The following BMPR1A variants were observed in gnomAD, a reference collection of about 807,000 sequenced individuals.
BMPR1A encodes the protein bone morphogenetic protein receptor type 1A, also known as bone morphogenetic protein receptor type-1A.
A neutral mutation model predicts 66.0 loss-of-function variants in BMPR1A; 7 were observed. That is an observed-to-expected ratio of 0.11 (90% CI 0.06 to 0.20). The LOEUF (loss-of-function observed/expected upper bound fraction) is 0.20. Among genes scored for constraint, BMPR1A ranks in the 10% least tolerant of loss-of-function variants. The probability of loss-of-function intolerance (pLI) is 1.00; values close to 1 mark genes in which losing one functional copy is unlikely to be tolerated. For synonymous variants in BMPR1A, 200 were observed against 229.7 expected, an observed-to-expected ratio of 0.87 and a Z score of 1.17; for missense variants, 408 against 669.1, an observed-to-expected ratio of 0.61 and a Z score of 4.31.
In BMPR1A at chr10:86,840,109, C is replaced by A. The variant is rs546365366; in HGVS notation, c.-153+1130C>A. 6.6e-5 allele frequency among the ~76,000 whole-genome samples: 10 copies of A among 152,202 alleles called. No homozygotes were observed. The East Asian group carries it at 1.9e-3, about 29-fold the overall frequency. On this transcript the variant is annotated intron_variant, in intron 2 of 12. Coordinates refer to ENST00000372037, the MANE Select transcript of BMPR1A (RefSeq NM_004329.3). ...AAAATCAGGCTTACTGTTTTAAAAT[C>A]CATTTAGAGACTAATGATCAGGTAA...
intron 1 of BMPR1A, among the ~76,000 whole-genome samples, chr10:86,780,030 C>T (rs192956809): frequency 9.9e-5 from 15 of 152,242 alleles, no homozygotes; most frequent in East Asian, 3.9e-4. Context: ...CTTGGCCTCC[C>T]GAACGCTGGG....
At chr10:86,803,936 T>G (rs1334649599) in intron 1 of BMPR1A, among the ~76,000 whole-genome samples, 2 of 152,204 alleles carry the variant, frequency 1.3e-5, no homozygotes, top group African/African-American at 2.4e-5. Context: ...TTCACAAGTC[T>G]TCTTTTTTGA....
intron 1 of BMPR1A, among the ~76,000 whole-genome samples, chr10:86,782,099 G>T (rs1354771903): frequency 6.6e-6 from 1 of 151,880 alleles, no homozygotes; most frequent in African/African-American, 2.4e-5. Flanking sequence ...CTGACCTCAG[G>T]TGATCCTCCC....
intron 9 of BMPR1A, among the ~76,000 whole-genome samples, chr10:86,917,646 CT>C (rs1238133570): frequency 1.3e-5 from 2 of 152,158 alleles, no homozygotes; most frequent in Non-Finnish European, 2.9e-5. Flanking sequence ...ACATATGTGC[CT>C]TTTCCCTTTC....
At chr10:86,894,628 A>G (rs1190035522) in intron 5 of BMPR1A, among the ~76,000 whole-genome samples, 5 of 152,348 alleles carry the variant, frequency 3.3e-5, no homozygotes, top group East Asian at 3.9e-4. Context: ...AAACTTGACA[A>G]GCTGTTCAAA....
chr10:86,833,571 C>G (rs867672267), intron 1 of BMPR1A, among the ~76,000 whole-genome samples: 2 of 152,092 alleles, frequency 1.3e-5, no homozygotes, highest in African/African-American at 2.4e-5. Context: ...TTTTGGCTAA[C>G]GGTGCTGCCA....
intron 1 of BMPR1A, among the ~76,000 whole-genome samples, chr10:86,767,835 A>C (rs1000626198): frequency 6.6e-6 from 1 of 152,158 alleles, no homozygotes; most frequent in Non-Finnish European, 1.5e-5. Context: ...TTTTGCAAGC[A>C]GGGAAGATGG....
At chr10:86,768,918 C>T (rs1478061234) in intron 1 of BMPR1A, among the ~76,000 whole-genome samples, 2 of 135,848 alleles carry the variant, frequency 1.5e-5, no homozygotes, top group Admixed American at 6.7e-5. Context: ...CAGTTCAGTG[C>T]TTAACACTGT....
chr10:86,844,816 G>A (rs1305094323), intron 2 of BMPR1A, among the ~76,000 whole-genome samples: 1 of 152,050 alleles, frequency 6.6e-6, no homozygotes, highest in Non-Finnish European at 1.5e-5. Context: ...CACTCTTGTT[G>A]CCCAGGCTGG....
chr10:86,885,520 T>C (rs998923293), intron 3 of BMPR1A, among the ~76,000 whole-genome samples: 1 of 152,232 alleles, frequency 6.6e-6, no homozygotes, highest in African/African-American at 2.4e-5. Context: ...TTTTTAATTT[T>C]ACTTCATTTT....
At chr10:86,826,332 C>T (rs1276413487) in intron 1 of BMPR1A, among the ~76,000 whole-genome samples, 2 of 151,330 alleles carry the variant, frequency 1.3e-5, no homozygotes, top group African/African-American at 4.9e-5. Flanking sequence ...ATTTTTGATC[C>T]AGAAACCAAG....
At chr10:86,822,075 A>T (rs1243593636) in intron 1 of BMPR1A, among the ~76,000 whole-genome samples, 1 of 151,832 alleles carries the variant, frequency 6.6e-6, no homozygotes, top group Non-Finnish European at 1.5e-5. Context: ...CGATCCACCC[A>T]CCTCGGCCTC....
chr10:86,878,472 A>C (rs1029724200), intron 3 of BMPR1A, among the ~76,000 whole-genome samples: 3 of 152,340 alleles, frequency 2.0e-5, no homozygotes, highest in South Asian at 2.1e-4. Flanking sequence ...GGATTTTGTC[A>C]CAAATTTCAG....
At chr10:86,818,512 T>G (rs2132986800) in intron 1 of BMPR1A, among the ~76,000 whole-genome samples, 1 of 152,324 alleles carries the variant, frequency 6.6e-6, no homozygotes, top group Non-Finnish European at 1.5e-5. Context: ...CTCAGGATTT[T>G]TTGCTTTAAA....
Position 86,766,873 on chromosome 10 carries a change from G to T in BMPR1A, c.-268+9954G>T, listed in dbSNP as rs566271728. On this transcript the variant is annotated intron_variant, in intron 1 of 12. Transcript: ENST00000372037. ...CGAGTCTTGCTCTGCTGCCAGGCTG[G>T]AGTGCAGTGGTGCCATCCTGGCTCA... is the stretch of plus-strand genomic sequence containing the variant. 5.9e-5 allele frequency among the ~76,000 whole-genome samples: 9 copies of T among 151,274 alleles called. No individual in the cohort carries two copies. In the South Asian group the frequency reaches 1.9e-3, roughly 32 times the overall value.
Position 86,890,183 on chromosome 10 carries a change from C to T in BMPR1A, c.189C>T (p.Cys63=), listed in dbSNP as rs1413243663. 1 of 1,614,030 alleles carries T rather than the reference C, an allele frequency of 6.2e-7. No homozygotes were observed. The highest frequency in any genetic ancestry group is 1.3e-5 in the African/African-American group (1 of 74,936). Residue 63 remains cysteine, a synonymous_variant, in exon 4 of 13, where the codon TGC becomes TGT. Transcript: ENST00000372037. ...EDTLPFLKCY[C]SGHCPDDAIN... ...CCTTGCCTTTTTTAAAGTGCTATTGCTCAGGGCACTGTCCAGATGATGCTA... is the reference window on the plus strand; with the variant it reads ...CCTTGCCTTTTTTAAAGTGCTATTGTTCAGGGCACTGTCCAGATGATGCTA...
At chr10:86,806,087 CTT>C (rs1390021110) in intron 1 of BMPR1A, among the ~76,000 whole-genome samples, 2 of 152,080 alleles carry the variant, frequency 1.3e-5, no homozygotes, top group African/African-American at 2.4e-5. Context: ...ATATTCCTCA[CTT>C]TGGGCTTGGC....
intron 2 of BMPR1A, chr10:86,856,371 C>G: frequency 2.9e-6 from 1 of 346,450 alleles, no homozygotes; most frequent in South Asian, 2.4e-5. Flanking sequence ...GGGTCTGGAC[C>G]AGCTCCAGAG....
intron 7 of BMPR1A, among the ~76,000 whole-genome samples, chr10:86,900,595 G>T (rs941198310): frequency 4.6e-5 from 7 of 152,076 alleles, no homozygotes; most frequent in Non-Finnish European, 7.4e-5. Flanking sequence ...ATACATTAAT[G>T]AAACAAGTTA....
Sources: gnomAD v4.1 joint callset for allele counts (sites outside exome capture counted in the v4.1 genomes callset) on GRCh38, gnomAD v4.1.1 for gene constraint, MANE v1.5 for transcripts, NCBI Gene and HGNC (gene_info 2026-07-23, HGNC 2026-07-21) for gene names.